Variants in PRKAG2 observed in about 807,000 individuals in gnomAD.
PRKAG2 encodes the protein protein kinase AMP-activated non-catalytic subunit gamma 2.
A neutral mutation model predicts 69.6 loss-of-function variants in PRKAG2; 26 were observed. The ratio of observed to expected loss-of-function variants is 0.37; its 90% CI spans 0.27 to 0.52. PRKAG2 has a LOEUF of 0.52. Among genes scored for constraint, PRKAG2 ranks in the 20% least tolerant of loss-of-function variants. The pLI is 0.90. For missense variants in PRKAG2, 557 were observed against 740.0 expected (o/e 0.75, Z 2.87); for synonymous variants, 293 against 285.0 (o/e 1.03, Z -0.28).
Position 151,719,110 on chromosome 7 carries a change from C to A in PRKAG2, c.467-43473G>T, listed in dbSNP as rs1362352354. Among the ~76,000 whole-genome samples, 2 of 152,176 alleles carry A rather than the reference C, an allele frequency of 1.3e-5. No individual in the cohort carries two copies. Among genetic ancestry groups the A allele is most frequent in the African/African-American group, 4.8e-5 (2 of 41,442 alleles). On this transcript the variant is annotated intron_variant, in intron 3 of 15. Transcript: ENST00000287878. The surrounding 1 kb of genome is among the most constrained non-coding windows in gnomAD (Gnocchi z 5.2). The stretch of plus-strand genomic sequence containing the variant: ...AGGGGACTGAAGGAGACGTGTGCCA[C>A]CCTGTTCCCCGAGCGTTGCTCCGGG...
chr7:151,870,159 AGGCAGGCAGG>A (rs1563769288), intron 1 of PRKAG2, among the ~76,000 whole-genome samples: 63 of 109,626 alleles, frequency 5.7e-4, no homozygotes, highest in African/African-American at 1.3e-3. Context: ...ATAGATAGGC[AGGCAGGCAGG>A]CAGGCAGGCA....
intron 1 of PRKAG2, among the ~76,000 whole-genome samples, chr7:151,830,832 A>G (rs1257718290): frequency 6.6e-6 from 1 of 151,364 alleles, no homozygotes; most frequent in Admixed American, 6.6e-5. Context: ...CCCTTCTTTC[A>G]CTATTTATTC....
Position 151,876,864 on chromosome 7 carries a change from C to T in PRKAG2, c.-244G>A. The T allele has an allele frequency of 3.5e-6, 2 of 574,800 alleles. No individual in the cohort carries two copies. The highest frequency in any genetic ancestry group is 3.0e-5 in the East Asian group (1 of 33,660). The allele number at this position is 574,800 out of a possible 1,614,324, so 35.6% of individuals were successfully genotyped here. On this transcript the variant is annotated 5_prime_UTR_variant, in exon 1 of 16. Transcript: ENST00000287878. The stretch of plus-strand genomic sequence containing the variant: ...TAGGCAAATCAGTCAAAGCCCGTCC[C>T]GGTTCTGGTGTCTCCCCGGGTTACT...
intron 3 of PRKAG2, among the ~76,000 whole-genome samples, chr7:151,779,774 C>G (rs6464170): frequency 0.32 from 47,985 of 152,096 alleles, 8,539 homozygotes; most frequent in African/African-American, 0.47. Context: ...GCAAACTGCG[C>G]ACACATCCTC....
intron 3 of PRKAG2, among the ~76,000 whole-genome samples, chr7:151,680,844 GT>G (rs1833777364): frequency 6.6e-6 from 1 of 152,202 alleles, no homozygotes; most frequent in African/African-American, 2.4e-5. Context: ...GGCCATGGCT[GT>G]GCCTTCCTGA....
intron 4 of PRKAG2, among the ~76,000 whole-genome samples, chr7:151,633,663 CAAAGAA>C (rs1157720274): frequency 6.6e-6 from 1 of 151,876 alleles, no homozygotes; most frequent in Non-Finnish European, 1.5e-5. Flanking sequence ...ACAATCACTT[CAAAGAA>C]AATTAATACT....
At chr7:151,853,107 G>A (rs965016677) in intron 1 of PRKAG2, among the ~76,000 whole-genome samples, 1 of 152,154 alleles carries the variant, frequency 6.6e-6, no homozygotes, top group Non-Finnish European at 1.5e-5. Context: ...CGGAGAGCTC[G>A]GGACCCAGGA....
chr7:151,747,961 G>A (rs1586254298), intron 3 of PRKAG2, among the ~76,000 whole-genome samples: 1 of 115,344 alleles, frequency 8.7e-6, no homozygotes, highest in Non-Finnish European at 1.7e-5. Flanking sequence ...TCACTCTATT[G>A]CCCGGGGTTG....
chr7:151,798,161 G>A (rs2077656460), intron 1 of PRKAG2, among the ~76,000 whole-genome samples: 2 of 151,892 alleles, frequency 1.3e-5, no homozygotes, highest in South Asian at 2.1e-4. Context: ...CCGCCACCAC[G>A]CCTGGCTAAT....
At chr7:151,633,345 G>C (rs933974672) in intron 4 of PRKAG2, among the ~76,000 whole-genome samples, 1 of 152,070 alleles carries the variant, frequency 6.6e-6, no homozygotes, top group African/African-American at 2.4e-5. Flanking sequence ...ATGAAGTTCA[G>C]AAACCAGGCC....
At chr7:151,741,111 G>A (rs1378084102) in intron 3 of PRKAG2, among the ~76,000 whole-genome samples, 1 of 152,148 alleles carries the variant, frequency 6.6e-6, no homozygotes, top group East Asian at 1.9e-4. Context: ...ACTTTGGGAG[G>A]CTGAGGCGGG....
intron 3 of PRKAG2, among the ~76,000 whole-genome samples, chr7:151,747,178 G>GT (rs34846962): frequency 0.38 from 58,273 of 151,960 alleles, 11,662 homozygotes; most frequent in East Asian, 0.53. Flanking sequence ...TCATAACTCA[G>GT]TGGCTGCTGC....
At chr7:151,760,551 T>C (rs1801872187) in intron 3 of PRKAG2, among the ~76,000 whole-genome samples, 1 of 152,180 alleles carries the variant, frequency 6.6e-6, no homozygotes, top group Non-Finnish European at 1.5e-5. Context: ...GAGAGTTTTT[T>C]AAAAGCTGGG....
intron 6 of PRKAG2, among the ~76,000 whole-genome samples, chr7:151,589,044 C>T (rs1236331826): frequency 6.6e-6 from 1 of 152,174 alleles, no homozygotes; most frequent in African/African-American, 2.4e-5. Context: ...GTGTTGCCAA[C>T]TGGCTCTATT....
chr7:151,558,439 C>T (rs1161913112), intron 15 of PRKAG2: 43 of 985,130 alleles, frequency 4.4e-5, no homozygotes, highest in African/African-American at 1.2e-4. Context: ...AGGAGGGAGA[C>T]GGGCCTGTAT....
intron 4 of PRKAG2, among the ~76,000 whole-genome samples, chr7:151,658,648 C>T (rs572687675): frequency 3.3e-5 from 5 of 152,106 alleles, no homozygotes; most frequent in East Asian, 3.9e-4. Flanking sequence ...TATTGGGGTG[C>T]GAACACACGC....
chr7:151,706,176 G>A (rs1340256828), intron 3 of PRKAG2, among the ~76,000 whole-genome samples: 1 of 152,234 alleles, frequency 6.6e-6, no homozygotes, highest in Admixed American at 6.5e-5. Context: ...CACACAGCTG[G>A]CTGGTGTCAG....
At chr7:151,729,902 G>A (rs1224667323) in intron 3 of PRKAG2, among the ~76,000 whole-genome samples, 4 of 152,286 alleles carry the variant, frequency 2.6e-5, no homozygotes, top group South Asian at 2.1e-4. Context: ...ATGAAAATAC[G>A]TTTGCCATCG....
At chr7:151,831,744 A>G (rs1036855993) in intron 1 of PRKAG2, among the ~76,000 whole-genome samples, 1 of 151,628 alleles carries the variant, frequency 6.6e-6, no homozygotes, top group African/African-American at 2.4e-5. Context: ...CGCCCCCTGG[A>G]GGGAGTTCTG....
Sources: gnomAD v4.1 joint callset for allele counts (sites outside exome capture counted in the v4.1 genomes callset) on GRCh38, gnomAD v4.1.1 for gene constraint, Gnocchi (gnomAD v3.1) non-coding constraint, MANE v1.5 for transcripts, NCBI Gene and HGNC (gene_info 2026-07-23, HGNC 2026-07-21) for gene names.